The following FARP2 variants were observed in gnomAD, a reference collection of about 807,000 sequenced individuals.
FARP2 encodes the protein FERM, ARH/RhoGEF and pleckstrin domain protein 2, also known as FERM, ARHGEF and pleckstrin domain-containing protein 2.
FARP2 carries 111 observed loss-of-function variants against 130.5 expected under a neutral mutation model. The ratio of observed to expected loss-of-function variants is 0.85; its 90% CI spans 0.73 to 1.00. FARP2 has a LOEUF of 1.00. Among genes scored for constraint, FARP2 ranks in the 50% least tolerant of loss-of-function variants. FARP2 has a pLI of 0.00. For missense variants in FARP2, 1,385 were observed against 1,346.3 expected, an observed-to-expected ratio of 1.03 and a Z score of -0.45; for synonymous variants, 504 against 516.9, an observed-to-expected ratio of 0.98 and a Z score of 0.34.
intron 1 of FARP2, among the ~76,000 whole-genome samples, chr2:241,370,593 T>C (rs1044219376): frequency 2.6e-5 from 4 of 152,188 alleles, no homozygotes; most frequent in Admixed American, 6.5e-5. Context: ...TGTACAATTA[T>C]GCACTCATAA....
At chr2:241,394,472 C>T (rs942182009) in intron 2 of FARP2, among the ~76,000 whole-genome samples, 5 of 149,716 alleles carry the variant, frequency 3.3e-5, no homozygotes, top group East Asian at 2.0e-4. Context: ...GAGCCGAGAT[C>T]GCGCCACTGC....
At chr2:241,438,580 G>A (rs2150410410) in intron 12 of FARP2, among the ~76,000 whole-genome samples, 1 of 149,448 alleles carries the variant, frequency 6.7e-6, no homozygotes, top group Middle Eastern at 3.5e-3. Flanking sequence ...TGGTATCCCA[G>A]GTTTTTTCAT....
At chr2:241,466,337 C>T in intron 17 of FARP2, 1 of 985,444 alleles carries the variant, frequency 1.0e-6, no homozygotes, top group Non-Finnish European at 1.2e-6. Flanking sequence ...CCCTCAGCGA[C>T]ACTATACAAC....
intron 17 of FARP2, chr2:241,465,369 C>G (rs2064141487): frequency 3.0e-5 from 29 of 972,272 alleles, no homozygotes; most frequent in Non-Finnish European, 4.5e-5. Context: ...AGGACCTGTT[C>G]AGGGCAGAGT....
At position 241,494,688 on chromosome 2, in the gene FARP2, C is replaced by T. The variant is rs2065057686; in HGVS notation, c.*563C>T. ...AGAAGCCACGCTTGTTCCCCATGTA[C>T]CTCTAGAGAAGCAGAAACCAAAGTC... On this transcript the variant is annotated 3_prime_UTR_variant, in exon 27 of 27. Coordinates refer to ENST00000264042, the MANE Select transcript of FARP2 (RefSeq NM_014808.4). This position sits in a 1 kb window ranked among gnomAD's most constrained non-coding sequence, Gnocchi z 4.9. 1 of 152,248 alleles carries T rather than the reference C, an allele frequency of 6.6e-6. No individual in the cohort carries two copies. Among genetic ancestry groups the T allele is most frequent in the South Asian group, 2.1e-4 (1 of 4,836 alleles). The allele number at this position is 152,248 out of a possible 1,614,324, so 9.4% of individuals were successfully genotyped here. A position where few individuals can be genotyped will look rare whatever the true frequency, so the allele number is the denominator to read the frequency against.
chr2:241,398,044 G>C (rs2062074713), intron 2 of FARP2, among the ~76,000 whole-genome samples: 1 of 151,582 alleles, frequency 6.6e-6, no homozygotes, highest in Non-Finnish European at 1.5e-5. Context: ...TGTTAGCCAG[G>C]ATGGTCTCGA....
intron 13 of FARP2, 28 bp downstream of exon 13, chr2:241,441,584 G>T (rs1200159269): frequency 6.2e-7 from 1 of 1,613,828 alleles, no homozygotes; most frequent in Non-Finnish European, 8.5e-7. Context: ...GTCGTGAGCA[G>T]CTGTGGTTCT....
At chr2:241,361,040 A>AC (rs2061174266) in intron 1 of FARP2, among the ~76,000 whole-genome samples, 2 of 151,966 alleles carry the variant, frequency 1.3e-5, no homozygotes, top group Admixed American at 6.6e-5. Flanking sequence ...AAAAAAAAAA[A>AC]AACACACATC....
chr2:241,402,816 C>T (rs1452188396), intron 2 of FARP2, among the ~76,000 whole-genome samples: 6 of 116,240 alleles, frequency 5.2e-5, no homozygotes, highest in East Asian at 2.6e-4. Flanking sequence ...TACAGGTGCA[C>T]GCCACTACAC....
In FARP2 at chr2:241,475,972, C is replaced by T; in HGVS notation, c.2247C>T (p.Leu749=). ...GGGACCTGGTGGGCATAGAGAACCTCATTGCTCCTGGCAGGGTGAGTGACC... is the reference window on the plus strand; with the variant it reads ...GGGACCTGGTGGGCATAGAGAACCTTATTGCTCCTGGCAGGGTGAGTGACC... The part of the protein sequence containing the change: ...LQRDLVGIEN[L]IAPGREFIRE... Residue 749 remains leucine, a synonymous_variant, in exon 19 of 27, where the codon CTC becomes CTT. Coordinates refer to ENST00000264042, the MANE Select transcript of FARP2 (RefSeq NM_014808.4). The surrounding 1 kb of genome is among the most constrained non-coding windows in gnomAD (Gnocchi z 4.4). The T allele has an allele frequency of 6.2e-7, 1 of 1,613,356 alleles. No homozygotes were observed. Among genetic ancestry groups the T allele is most frequent in the Non-Finnish European group, 8.5e-7 (1 of 1,179,696 alleles).
At chr2:241,448,192 C>T (rs938326280) in intron 13 of FARP2, among the ~76,000 whole-genome samples, 1 of 152,196 alleles carries the variant, frequency 6.6e-6, no homozygotes, top group South Asian at 2.1e-4. Flanking sequence ...ACTTACCCCC[C>T]CTACATCATG....
intron 22 of FARP2, among the ~76,000 whole-genome samples, chr2:241,490,666 C>T (rs375518186): frequency 6.6e-5 from 10 of 152,190 alleles, no homozygotes; most frequent in East Asian, 3.9e-4. Context: ...GACTCTGCAG[C>T]GCCCTGGCCA....
At chr2:241,378,366 C>T (rs2061586537) in intron 2 of FARP2, among the ~76,000 whole-genome samples, 1 of 149,200 alleles carries the variant, frequency 6.7e-6, no homozygotes, top group South Asian at 2.1e-4. Context: ...CTCCCCCCCT[C>T]GGCCTCCCAA....
chr2:241,406,560 C>T (rs1236069257), intron 4 of FARP2, among the ~76,000 whole-genome samples: 2 of 151,696 alleles, frequency 1.3e-5, no homozygotes, highest in African/African-American at 4.8e-5. Context: ...AGTCCTCCCA[C>T]CTTGGCCTCC....
chr2:241,463,673 A>G, intron 16 of FARP2: 1 of 694,190 alleles, frequency 1.4e-6, no homozygotes, highest in South Asian at 1.9e-5. Context: ...GAGCAAGTTA[A>G]AAATGGAAGA....
intron 2 of FARP2, among the ~76,000 whole-genome samples, chr2:241,401,953 C>T (rs911851283): frequency 6.6e-5 from 10 of 152,040 alleles, no homozygotes; most frequent in Non-Finnish European, 1.0e-4. Context: ...CCATACCCGG[C>T]CAATTTTTGT....
intron 2 of FARP2, among the ~76,000 whole-genome samples, chr2:241,374,690 G>T (rs931698298): frequency 1.3e-5 from 2 of 152,178 alleles, no homozygotes; most frequent in African/African-American, 4.8e-5. Context: ...GAGGGTGTAA[G>T]AACTCAGGGA....
intron 14 of FARP2, among the ~76,000 whole-genome samples, chr2:241,461,605 GCTT>G (rs2064020210): frequency 6.6e-6 from 1 of 152,224 alleles, no homozygotes; most frequent in Non-Finnish European, 1.5e-5. Flanking sequence ...AGCCCTCTGT[GCTT>G]CTTGCCTGTC....
At chr2:241,466,691 C>CTG (rs1267614066) in intron 17 of FARP2, 132 of 469,494 alleles carry the variant, frequency 2.8e-4, no homozygotes, top group Non-Finnish European at 3.1e-4. Context: ...TTCCAACCAC[C>CTG]CCCCCCCCCA....
Sources: allele counts gnomAD v4.1 joint callset (sites outside exome capture counted in the v4.1 genomes callset), GRCh38; gene constraint gnomAD v4.1.1; non-coding constraint Gnocchi (gnomAD v3.1); transcripts MANE v1.5; gene names NCBI Gene and HGNC (gene_info 2026-07-23, HGNC 2026-07-21).